YAP1: variants seen among roughly 807,000 people sequenced by gnomAD.
YAP1 encodes the protein Yes1 associated transcriptional regulator, also known as transcriptional coactivator YAP1.
A neutral mutation model predicts 56.9 loss-of-function variants in YAP1; 5 were observed. The ratio of observed to expected loss-of-function variants is 0.09; its 90% confidence interval spans 0.05 to 0.18. YAP1 has a LOEUF of 0.18. YAP1 is among the 10% of genes least tolerant of loss of function. The pLI is 1.00. For synonymous variants in YAP1, 265 were observed against 248.1 expected, an observed-to-expected ratio of 1.07 and a Z score of -0.64; for missense variants, 539 against 651.8, an observed-to-expected ratio of 0.83 and a Z score of 1.88.
intron 3 of YAP1, among the ~76,000 whole-genome samples, chr11:102,164,077 A>G (rs1269418476): frequency 6.7e-6 from 1 of 149,720 alleles, no homozygotes; most frequent in African/African-American, 2.5e-5. Context: ...TCACTCTGTC[A>G]CCCAGGCTGG....
intron 6 of YAP1, among the ~76,000 whole-genome samples, chr11:102,213,462 G>A (rs551905733): frequency 2.0e-5 from 3 of 152,276 alleles, no homozygotes; most frequent in African/African-American, 7.2e-5. Flanking sequence ...CTCCAGCCTG[G>A]CGAAAAGAGC....
intron 7 of YAP1, among the ~76,000 whole-genome samples, 168 bp from the exon 8 acceptor site, chr11:102,227,301 A>G (rs1950239961): frequency 6.6e-6 from 1 of 152,212 alleles, no homozygotes; most frequent in African/African-American, 2.4e-5. Flanking sequence ...TCATAGCACA[A>G]GCCCTGTCTA....
At chr11:102,174,532 C>T (rs979246433) in intron 3 of YAP1, among the ~76,000 whole-genome samples, 2 of 151,556 alleles carry the variant, frequency 1.3e-5, no homozygotes, top group Admixed American at 6.6e-5. Context: ...GAGATTGTGC[C>T]GAGATTGCGC....
intron 3 of YAP1, among the ~76,000 whole-genome samples, chr11:102,163,867 T>G (rs1452989519): frequency 6.6e-6 from 1 of 152,144 alleles, no homozygotes; most frequent in African/African-American, 2.4e-5. Context: ...AACATTTGAG[T>G]TCTAAAGAGT....
intron 3 of YAP1, among the ~76,000 whole-genome samples, chr11:102,165,383 T>C (rs1946542132): frequency 6.6e-6 from 1 of 152,126 alleles, no homozygotes. Context: ...AAAATTTTTG[T>C]CTTGTTTGTA....
chr11:102,224,379 C>T (rs1950092087), intron 7 of YAP1, among the ~76,000 whole-genome samples: 1 of 152,202 alleles, frequency 6.6e-6, no homozygotes, highest in Admixed American at 6.5e-5. Flanking sequence ...TAAGCTGAAA[C>T]AGGTCATATT....
chr11:102,198,812 A>G (rs1948698753), intron 4 of YAP1, among the ~76,000 whole-genome samples: 1 of 152,192 alleles, frequency 6.6e-6, no homozygotes, highest in Non-Finnish European at 1.5e-5. Flanking sequence ...GTGTGGAAAT[A>G]TGTTGAGTGT....
chr11:102,115,844 A>G (rs1943249509), intron 2 of YAP1, among the ~76,000 whole-genome samples: 1 of 152,214 alleles, frequency 6.6e-6, no homozygotes, highest in African/African-American at 2.4e-5. Context: ...TAGGAAGAAA[A>G]AGAAAGGCTG....
Position 102,158,736 on chromosome 11 carries a change from C to T in YAP1, c.573-3720C>T, listed in dbSNP as rs561858444. On this transcript the variant is annotated intron_variant, in intron 2 of 8. Coordinates refer to ENST00000282441, the MANE Select transcript of YAP1 (RefSeq NM_001130145.3). Reference sequence around the variant, plus strand: ...CACTAACCTCCTACTAGTGCTTTCACAAATTAGCATTATAAAATTATAATC... The same window carrying T: ...CACTAACCTCCTACTAGTGCTTTCATAAATTAGCATTATAAAATTATAATC... 6.6e-5 allele frequency among the ~76,000 whole-genome samples: 10 copies of T among 152,294 alleles called. No individual in the cohort carries two copies. The East Asian group carries it at 1.7e-3, about 26-fold the overall frequency.
intron 2 of YAP1, among the ~76,000 whole-genome samples, chr11:102,129,243 T>A (rs7108820): frequency 2.6e-5 from 4 of 151,904 alleles, no homozygotes; most frequent in South Asian, 2.1e-4. Context: ...AGAATAATTT[T>A]TTTTTCTATA....
chr11:102,183,112 A>C (rs745874577), intron 3 of YAP1, among the ~76,000 whole-genome samples: 5 of 152,222 alleles, frequency 3.3e-5, no homozygotes, highest in Non-Finnish European at 7.3e-5. Context: ...TTAAATGTGC[A>C]TGGAGAATGG....
chr11:102,210,554 A>G (rs1299565497), intron 6 of YAP1, among the ~76,000 whole-genome samples: 2 of 152,190 alleles, frequency 1.3e-5, no homozygotes. Context: ...GCCACCATTA[A>G]TCAAAAGACC....
At chr11:102,112,463 C>G in intron 1 of YAP1, 3 of 837,962 alleles carry the variant, frequency 3.6e-6, no homozygotes, top group Non-Finnish European at 4.2e-6. Flanking sequence ...TTGCTTCAGG[C>G]TAAACTTCAG....
chr11:102,226,795 T>C (rs1476247993), intron 7 of YAP1, among the ~76,000 whole-genome samples: 3 of 152,182 alleles, frequency 2.0e-5, no homozygotes, highest in Non-Finnish European at 4.4e-5. Context: ...CCCGTTTCGT[T>C]TCGTACTGAA....
chr11:102,176,774 AAAGAG>A (rs1947284184), intron 3 of YAP1, among the ~76,000 whole-genome samples: 1 of 138,264 alleles, frequency 7.2e-6, no homozygotes, highest in Non-Finnish European at 1.6e-5. Context: ...AAAAAAAAAA[AAAGAG>A]TAGAATTTCA....
At position 102,205,995 on chromosome 11, in the gene YAP1, A is replaced by G; in HGVS notation, c.905A>G (p.Gln302Arg). 6.2e-7 allele frequency: 1 copy of G among 1,613,958 alleles called. No individual in the cohort carries two copies. Among genetic ancestry groups the G allele is most frequent in the Non-Finnish European group, 8.5e-7 (1 of 1,179,982 alleles). ...GGVMGGSNSNQQQQMRLQQLQ... is the reference protein window; with the variant it reads ...GGVMGGSNSNRQQQMRLQQLQ... ...GTCATGGGTGGCAGCAACTCCAACCAGCAGCAACAGATGCGACTGCAGCAA... is the reference window on the plus strand; with the variant it reads ...GTCATGGGTGGCAGCAACTCCAACCGGCAGCAACAGATGCGACTGCAGCAA... The change falls in exon 5 of 9, where the codon CAG (glutamine) becomes CGG (arginine). Residue 302 changes from glutamine (Q) to arginine (R), a missense_variant. Physicochemically the swap from Gln to Arg is conservative, Grantham distance 43. Transcript: ENST00000282441.
chr11:102,151,778 GGA>G (rs1409982383), intron 2 of YAP1, among the ~76,000 whole-genome samples: 2 of 152,174 alleles, frequency 1.3e-5, no homozygotes, highest in African/African-American at 4.8e-5. Flanking sequence ...TTGGGATTGT[GGA>G]GAGAGAAGCT....
chr11:102,206,946 CT>C (rs34977199), intron 5 of YAP1, among the ~76,000 whole-genome samples: 54,420 of 151,858 alleles, frequency 0.36, 9,944 homozygotes, highest in African/African-American at 0.41. Flanking sequence ...TAGTAGAGAG[CT>C]TTGAAGCCCT....
intron 8 of YAP1, among the ~76,000 whole-genome samples, chr11:102,229,366 G>A (rs1950354174): frequency 6.6e-6 from 1 of 152,188 alleles, no homozygotes; most frequent in Non-Finnish European, 1.5e-5. Context: ...CTGGAAGACA[G>A]GGTAGTGATG....
Sources: allele counts gnomAD v4.1 joint callset (sites outside exome capture counted in the v4.1 genomes callset), GRCh38; gene constraint gnomAD v4.1.1; transcripts MANE v1.5; gene names NCBI Gene and HGNC (gene_info 2026-07-23, HGNC 2026-07-21).